Variants in NME7 observed in about 807,000 individuals in gnomAD.
The protein encoded by NME7 is nucleoside diphosphate kinase 7.
A neutral mutation model predicts 49.1 loss-of-function variants in NME7; 41 were observed. The observed-to-expected ratio is 0.83, with a 90% CI of 0.65 to 1.08. The LOEUF (loss-of-function observed/expected upper bound fraction) is 1.08. Ranked by LOEUF, NME7 falls within the 50% of genes least tolerant of loss-of-function variation. The pLI is 0.00. For synonymous variants in NME7, 139 were observed against 150.6 expected, an observed-to-expected ratio of 0.92 and a Z score of 0.56; for missense variants, 423 against 463.4, an observed-to-expected ratio of 0.91 and a Z score of 0.80.
chr1:169,303,341 C>A, intron 4 of NME7, 146 bp from the exon 5 acceptor site: 2 of 360,102 alleles, frequency 5.6e-6, no homozygotes, highest in Non-Finnish European at 4.9e-6. Flanking sequence ...AATATTCTGT[C>A]AAAGCCACTC....
chr1:169,221,449 C>T (rs1027342642), intron 10 of NME7, among the ~76,000 whole-genome samples: 25 of 152,088 alleles, frequency 1.6e-4, no homozygotes, highest in African/African-American at 5.8e-4. Flanking sequence ...TTCTAGATTA[C>T]CTCAAGCAAG....
chr1:169,246,850 A>T (rs1463949330), intron 7 of NME7: 1 of 351,282 alleles, frequency 2.8e-6, no homozygotes, highest in African/African-American at 2.2e-5. Context: ...AAGTGCTGGG[A>T]TTACAGGCAT....
intron 10 of NME7, among the ~76,000 whole-genome samples, chr1:169,219,461 T>G (rs1269235713): frequency 6.6e-6 from 1 of 152,158 alleles, no homozygotes; most frequent in Non-Finnish European, 1.5e-5. Flanking sequence ...TATGCGCAGA[T>G]TTTGGTGTCT....
chr1:169,209,176 C>T (rs567222324), intron 10 of NME7, among the ~76,000 whole-genome samples: 5 of 152,182 alleles, frequency 3.3e-5, no homozygotes, highest in African/African-American at 1.2e-4. Context: ...ACCAGACATA[C>T]TCAAGACCTT....
At chr1:169,349,344 C>T (rs1319386314) in intron 1 of NME7, among the ~76,000 whole-genome samples, 1 of 152,022 alleles carries the variant, frequency 6.6e-6, no homozygotes, top group Non-Finnish European at 1.5e-5. Context: ...AAAGAGGACC[C>T]AATCTGGGGT....
At position 169,235,130 on chromosome 1, in the gene NME7, C is replaced by T; in HGVS notation, c.888+1G>A. ...TGTTTTACATTTACTTTTATACTTA[C>T]ATGATATTCGGTCACTACTCCTTTA... is the stretch of plus-strand genomic sequence containing the variant. On this transcript the variant is annotated splice_donor_variant, in intron 9 of 11. Coordinates refer to ENST00000367811, the MANE Select transcript of NME7 (RefSeq NM_013330.5). LOFTEE classifies it high-confidence loss of function. 6.7e-7 allele frequency: 1 copy of T among 1,487,910 alleles called. No individual in the cohort carries two copies. The highest frequency in any genetic ancestry group is 1.2e-5 in the South Asian group (1 of 84,382). 92.2% of individuals were successfully genotyped at this position (1,487,910 alleles called of 1,614,324 possible).
At chr1:169,328,721 T>C (rs1013359997) in intron 1 of NME7, among the ~76,000 whole-genome samples, 10 of 152,210 alleles carry the variant, frequency 6.6e-5, no homozygotes, top group Non-Finnish European at 7.4e-5. Flanking sequence ...TCTTACCTTT[T>C]GGGGAGTTCA....
At chr1:169,210,961 C>T (rs1032911264) in intron 10 of NME7, among the ~76,000 whole-genome samples, 17 of 151,454 alleles carry the variant, frequency 1.1e-4, no homozygotes, top group Admixed American at 5.9e-4. Context: ...CTACCATAGT[C>T]TATTGAATCC....
chr1:169,365,993 G>A (rs997390119), intron 1 of NME7, among the ~76,000 whole-genome samples: 1 of 152,182 alleles, frequency 6.6e-6, no homozygotes, highest in East Asian at 1.9e-4. Flanking sequence ...TAAGTTTGAA[G>A]GACATTTGAG....
At chr1:169,157,679 G>A (rs1031059404) in intron 11 of NME7, among the ~76,000 whole-genome samples, 4 of 152,128 alleles carry the variant, frequency 2.6e-5, no homozygotes, top group Non-Finnish European at 5.9e-5. Context: ...ACAACCCTTG[G>A]CTACAATTAA....
intron 6 of NME7, 90 bp downstream of exon 6, chr1:169,298,466 C>T: frequency 7.5e-7 from 1 of 1,329,372 alleles, no homozygotes; most frequent in Non-Finnish European, 1.0e-6. Flanking sequence ...ATAAATCCAC[C>T]CTAAGTCACC....
chr1:169,334,911 G>A (rs777749893), intron 1 of NME7, among the ~76,000 whole-genome samples: 3 of 152,068 alleles, frequency 2.0e-5, no homozygotes, highest in Non-Finnish European at 2.9e-5. Context: ...CAAAGGATAT[G>A]AACAGACACT....
intron 7 of NME7, among the ~76,000 whole-genome samples, chr1:169,260,089 A>G (rs3766083): frequency 0.09 from 12,020 of 133,692 alleles, 3,272 homozygotes; most frequent in East Asian, 0.75. Flanking sequence ...TAAAAGAGAC[A>G]TAGTAGATGT....
chr1:169,289,153 C>G (rs193030749), intron 6 of NME7, among the ~76,000 whole-genome samples: 1 of 152,194 alleles, frequency 6.6e-6, no homozygotes, highest in Admixed American at 6.6e-5. Context: ...GTTAATTATT[C>G]TCAGCCCTCA....
intron 7 of NME7, chr1:169,284,412 G>A (rs978933225): frequency 6.6e-6 from 1 of 151,958 alleles, no homozygotes; most frequent in African/African-American, 2.4e-5. Flanking sequence ...GTCTGTCCAT[G>A]TCCTTTGACC....
chr1:169,367,359 C>T (rs973960742), intron 1 of NME7, among the ~76,000 whole-genome samples: 8 of 152,114 alleles, frequency 5.3e-5, no homozygotes, highest in African/African-American at 1.9e-4. Context: ...ACACACCACC[C>T]CATACTCTTA....
At chr1:169,342,510 T>C (rs1054625885) in intron 1 of NME7, among the ~76,000 whole-genome samples, 2 of 110,526 alleles carry the variant, frequency 1.8e-5, no homozygotes, top group Non-Finnish European at 4.0e-5. Flanking sequence ...CAAGTACATA[T>C]ATATATAGTA....
chr1:169,284,699 G>C (rs1650197897), intron 7 of NME7: 1 of 152,000 alleles, frequency 6.6e-6, no homozygotes, highest in Non-Finnish European at 1.5e-5. Flanking sequence ...TTTTCTACTA[G>C]GGTTTTTATA....
chr1:169,348,461 C>T (rs750050192), intron 1 of NME7, among the ~76,000 whole-genome samples: 16 of 151,306 alleles, frequency 1.1e-4, no homozygotes, highest in Non-Finnish European at 1.6e-4. Context: ...GAAAGAAAAA[C>T]GTGTGTCTTT....
Sources: gnomAD v4.1 joint callset for allele counts (sites outside exome capture counted in the v4.1 genomes callset) on GRCh38, gnomAD v4.1.1 for gene constraint, MANE v1.5 for transcripts, NCBI Gene and HGNC (gene_info 2026-07-23, HGNC 2026-07-21) for gene names.